The following DOCK3 variants were observed in gnomAD, a reference collection of about 807,000 sequenced individuals.
DOCK3 encodes dedicator of cytokinesis 3.
Under a neutral mutation model 265.6 loss-of-function variants are expected in DOCK3, and 60 were observed. The ratio of observed to expected loss-of-function variants is 0.23; its 90% CI spans 0.18 to 0.28. The LOEUF (loss-of-function observed/expected upper bound fraction) is 0.28. DOCK3 is among the 10% of genes least tolerant of loss of function. The pLI is 1.00. For synonymous variants in DOCK3, 881 were observed against 938.0 expected (o/e 0.94, Z 1.11); for missense variants, 1,981 against 2,594.3 (o/e 0.76, Z 5.14).
At chr3:50,827,982 G>C (rs2044871469) in intron 2 of DOCK3, among the ~76,000 whole-genome samples, 1 of 146,888 alleles carries the variant, frequency 6.8e-6, no homozygotes, top group East Asian at 2.0e-4. Context: ...GTCTTGCTCT[G>C]TCCCCTAGGC....
rs1368660188 is a variant in DOCK3 at position 51,332,289 on chromosome 3, TA to T, written c.3489-711del. ...AGAAAGAGTTCAGGTCATTGTCCAT[TA>T]GGAAAGACCTGTGCGATGGCAGAGG... On this transcript the variant is annotated intron_variant, in intron 33 of 52. Coordinates refer to ENST00000266037, the MANE Select transcript of DOCK3 (RefSeq NM_004947.5). Among the ~76,000 whole-genome samples the T allele has an allele frequency of 2.6e-5, 4 of 152,202 alleles. No homozygotes were observed. The East Asian group carries it at 7.7e-4, about 29-fold the overall frequency.
intron 1 of DOCK3, among the ~76,000 whole-genome samples, chr3:50,692,908 G>C (rs755843052): frequency 1.3e-5 from 2 of 151,988 alleles, no homozygotes; most frequent in African/African-American, 2.4e-5. Flanking sequence ...GTCAATTTTC[G>C]TATGTGTTAT....
intron 9 of DOCK3, among the ~76,000 whole-genome samples, chr3:51,100,320 T>A (rs2083033278): frequency 6.6e-6 from 1 of 152,222 alleles, no homozygotes; most frequent in Non-Finnish European, 1.5e-5. Flanking sequence ...TTTGTGGTTT[T>A]GATCTGAAAG....
chr3:51,278,459 C>T (rs913663246), intron 26 of DOCK3: 2 of 985,186 alleles, frequency 2.0e-6, no homozygotes, highest in African/African-American at 3.5e-5. Flanking sequence ...AGTGATCTCT[C>T]TGAAGAAAAC....
At chr3:50,989,942 G>T (rs1220265178) in intron 5 of DOCK3, among the ~76,000 whole-genome samples, 5 of 152,102 alleles carry the variant, frequency 3.3e-5, no homozygotes, top group Non-Finnish European at 7.4e-5. Flanking sequence ...CAAAATAGCT[G>T]ATATAAAAAA....
At chr3:50,979,188 G>GT (rs1226947610) in intron 5 of DOCK3, among the ~76,000 whole-genome samples, 1 of 152,116 alleles carries the variant, frequency 6.6e-6, no homozygotes, top group Non-Finnish European at 1.5e-5. Flanking sequence ...GTTTCAATTT[G>GT]TTTGTGTCTT....
intron 51 of DOCK3, among the ~76,000 whole-genome samples, chr3:51,376,670 A>G (rs560638959): frequency 5.3e-5 from 8 of 152,300 alleles, no homozygotes; most frequent in Non-Finnish European, 7.4e-5. Context: ...GTTCCCACCA[A>G]TACAACCTGT....
chr3:51,358,585 T>C (rs942141378), intron 46 of DOCK3, among the ~76,000 whole-genome samples: 2 of 152,070 alleles, frequency 1.3e-5, no homozygotes, highest in African/African-American at 4.8e-5. Flanking sequence ...TCCCTCTGTC[T>C]CTCCCTCCCT....
intron 1 of DOCK3, among the ~76,000 whole-genome samples, chr3:50,689,352 G>A (rs2035053539): frequency 6.6e-6 from 1 of 152,172 alleles, no homozygotes; most frequent in African/African-American, 2.4e-5. Context: ...CATGCCTGGG[G>A]AGGCCTCAGG....
chr3:51,125,606 TAAC>T (rs2106829886), intron 9 of DOCK3, among the ~76,000 whole-genome samples: 1 of 152,272 alleles, frequency 6.6e-6, no homozygotes, highest in East Asian at 1.9e-4. Context: ...ATAGTGAAAA[TAAC>T]AAGTTAATAA....
At chr3:50,896,700 C>A (rs1340037444) in intron 4 of DOCK3, among the ~76,000 whole-genome samples, 1 of 152,144 alleles carries the variant, frequency 6.6e-6, no homozygotes, top group Non-Finnish European at 1.5e-5. Context: ...TTTCAGTTTT[C>A]TGCATATGGC....
chr3:51,272,672 C>G (rs1355869296), intron 24 of DOCK3, among the ~76,000 whole-genome samples: 1 of 152,064 alleles, frequency 6.6e-6, no homozygotes, highest in Non-Finnish European at 1.5e-5. Flanking sequence ...TTCCCTTTGA[C>G]TTAGCTCTGC....
chr3:50,701,657 G>A (rs984684868), intron 1 of DOCK3, among the ~76,000 whole-genome samples: 5 of 152,020 alleles, frequency 3.3e-5, no homozygotes, highest in Non-Finnish European at 1.5e-5. Flanking sequence ...TAAAATCTTT[G>A]TGTAGACCAA....
At chr3:50,950,322 A>C (rs774759083) in intron 5 of DOCK3, among the ~76,000 whole-genome samples, 3 of 152,066 alleles carry the variant, frequency 2.0e-5, no homozygotes, top group Non-Finnish European at 4.4e-5. Context: ...TGTTTTTGAC[A>C]TGTTTTATTT....
intron 1 of DOCK3, among the ~76,000 whole-genome samples, chr3:50,716,469 A>C (rs1193194651): frequency 2.6e-5 from 4 of 152,108 alleles, no homozygotes; most frequent in Non-Finnish European, 5.9e-5. Context: ...TGGAGCTTGC[A>C]GTGAGCGGAG....
At chr3:51,228,152 G>A (rs1276955413) in intron 17 of DOCK3, 64 bp downstream of exon 17, 1 of 1,530,260 alleles carries the variant, frequency 6.5e-7, no homozygotes, top group Non-Finnish European at 9.0e-7. Context: ...CTCACACATG[G>A]TTCTCAGTTA....
At chr3:50,768,847 G>C (rs375876077) in intron 1 of DOCK3, among the ~76,000 whole-genome samples, 101 of 152,234 alleles carry the variant, frequency 6.6e-4, no homozygotes, top group African/African-American at 2.4e-3. Context: ...GTCCTGAATG[G>C]CTGTACTGAT....
At chr3:51,184,475 G>A (rs983006076) in intron 12 of DOCK3, among the ~76,000 whole-genome samples, 1 of 151,938 alleles carries the variant, frequency 6.6e-6, no homozygotes, top group Non-Finnish European at 1.5e-5. Context: ...ATCCACAGTG[G>A]TGGGAGTATA....
chr3:51,304,019 C>T (rs1204481942), intron 27 of DOCK3, among the ~76,000 whole-genome samples: 2 of 152,242 alleles, frequency 1.3e-5, no homozygotes, highest in African/African-American at 4.8e-5. Context: ...GGGGGAAAGA[C>T]TAAGTCTGCT....
Sources: gnomAD v4.1 joint callset for allele counts (sites outside exome capture counted in the v4.1 genomes callset) on GRCh38, gnomAD v4.1.1 for gene constraint, MANE v1.5 for transcripts, NCBI Gene and HGNC (gene_info 2026-07-23, HGNC 2026-07-21) for gene names.